The following AHCTF1 variants were observed in gnomAD, a reference collection of about 807,000 sequenced individuals.
AHCTF1 encodes protein ELYS.
A neutral mutation model predicts 248.4 loss-of-function variants in AHCTF1; 24 were observed. That is an observed-to-expected ratio of 0.10 (90% CI 0.07 to 0.14). AHCTF1 has a LOEUF of 0.14. Among genes scored for constraint, AHCTF1 ranks in the 10% least tolerant of loss-of-function variants. The probability of loss-of-function intolerance (pLI) is 1.00; values close to 1 mark genes in which losing one functional copy is unlikely to be tolerated. For missense variants in AHCTF1, 2,206 were observed against 2,636.2 expected, an observed-to-expected ratio of 0.84 and a Z score of 3.57; for synonymous variants, 786 against 929.8, an observed-to-expected ratio of 0.85 and a Z score of 2.81.
At chr1:246,884,222 T>C (rs1030625091) in intron 21 of AHCTF1, among the ~76,000 whole-genome samples, 1 of 152,252 alleles carries the variant, frequency 6.6e-6, no homozygotes, top group Non-Finnish European at 1.5e-5. Flanking sequence ...GTATTGATTC[T>C]AGATTAAGCT....
At chr1:246,924,164 T>C (rs1350731397) in intron 1 of AHCTF1, among the ~76,000 whole-genome samples, 1 of 152,110 alleles carries the variant, frequency 6.6e-6, no homozygotes, top group Non-Finnish European at 1.5e-5. Context: ...TGTGGTAAAA[T>C]AACAGGATAA....
chr1:246,903,239 C>A (rs968072181), intron 7 of AHCTF1, among the ~76,000 whole-genome samples: 1 of 152,168 alleles, frequency 6.6e-6, no homozygotes, highest in East Asian at 1.9e-4. Context: ...AGCACCCCTC[C>A]GATCTCCTCA....
intron 1 of AHCTF1, among the ~76,000 whole-genome samples, chr1:246,922,672 G>A (rs1056308887): frequency 4.0e-5 from 6 of 150,984 alleles, no homozygotes; most frequent in African/African-American, 1.2e-4. Flanking sequence ...GGGATTACAG[G>A]TGTGAGACAC....
intron 23 of AHCTF1, 70 bp from the exon 24 acceptor site, chr1:246,876,257 A>G: frequency 7.6e-7 from 1 of 1,310,934 alleles, no homozygotes. Flanking sequence ...TATATTTACC[A>G]TTTAAAATAA....
intron 1 of AHCTF1, among the ~76,000 whole-genome samples, chr1:246,920,769 CAA>C (rs770845244): frequency 2.8e-4 from 31 of 110,654 alleles, no homozygotes; most frequent in Admixed American, 3.7e-4. Context: ...AACACTGTCT[CAA>C]AAAAAAAAAA....
chr1:246,918,492 A>C, intron 1 of AHCTF1, 115 bp from the exon 2 acceptor site: 4 of 1,053,188 alleles, frequency 3.8e-6, no homozygotes, highest in Non-Finnish European at 5.2e-6. Flanking sequence ...AAAAACTAAA[A>C]TCTGGTTACA....
intron 12 of AHCTF1, among the ~76,000 whole-genome samples, chr1:246,897,112 G>C (rs956039842): frequency 1.3e-5 from 2 of 152,240 alleles, no homozygotes; most frequent in Admixed American, 6.5e-5. Context: ...TCAGGAGTTT[G>C]AGACCAGCCT....
chr1:246,849,703 A>G lies in AHCTF1; in HGVS notation c.6303T>C (p.Ser2101=). 6.2e-7 allele frequency: 1 copy of G among 1,614,014 alleles called. No individual in the cohort carries two copies. The highest frequency in any genetic ancestry group is 8.5e-7 in the Non-Finnish European group (1 of 1,179,862). ...GGTCCGGCAACAAGATGGCCTTGCT[A>G]GACCGAGTCCTGCTGCTGCGGGATG... ...TKSSRSSRTR[S]SKAILLPDLS... Residue 2101 remains serine (S), a synonymous_variant, in exon 33 of 36, where the codon TCT becomes TCC. Transcript: ENST00000648844.
At chr1:246,867,565 A>G (rs995099441) in intron 25 of AHCTF1, 96 bp downstream of exon 25, 41 of 1,459,248 alleles carry the variant, frequency 2.8e-5, no homozygotes, top group Admixed American at 2.3e-4. Context: ...ATACACTAAT[A>G]AACTTAGGCA....
chr1:246,927,002 G>C (rs528191338), intron 1 of AHCTF1, among the ~76,000 whole-genome samples: 6 of 151,552 alleles, frequency 4.0e-5, no homozygotes, highest in Non-Finnish European at 8.8e-5. Context: ...GTGAAATCCC[G>C]TCTCTACTAA....
At chr1:246,848,690 A>G in intron 33 of AHCTF1, among the ~76,000 whole-genome samples, 1 of 144,196 alleles carries the variant, frequency 6.9e-6, no homozygotes, top group Non-Finnish European at 1.5e-5. Flanking sequence ...ACATGGCGAA[A>G]TGCTGTCTCT....
intron 24 of AHCTF1, among the ~76,000 whole-genome samples, chr1:246,870,300 G>A (rs931170722): frequency 4.6e-5 from 7 of 152,128 alleles, no homozygotes; most frequent in Non-Finnish European, 8.8e-5. Context: ...AGGCACGGTT[G>A]CAGTCTCAGC....
chr1:246,842,129 T>A (rs1007060598), intron 35 of AHCTF1, among the ~76,000 whole-genome samples: 1 of 152,082 alleles, frequency 6.6e-6, no homozygotes, highest in Non-Finnish European at 1.5e-5. Context: ...GCTTTCATGC[T>A]ATTAATATAT....
chr1:246,888,422 G>A lies in AHCTF1; in HGVS notation c.2240C>T (p.Thr747Ile). Residue 747 changes from threonine to isoleucine, a missense_variant, in exon 18 of 36, where the codon ACA becomes ATA. Around this residue, in one of 6 missense-constraint regions of AHCTF1, gnomAD observed 650 missense variants for 870.8 expected, o/e 0.75. Transcript: ENST00000648844. ...EKLWKRDEGGTGKYPPASLHA... is the reference protein window; with the variant it reads ...EKLWKRDEGGIGKYPPASLHA... ...CAGACTAGCAGGAGGATATTTTCCT[G>A]TGCCTCCTTCATCTCGTTTCCACAA... 2 of 1,612,784 alleles carry A rather than the reference G, an allele frequency of 1.2e-6. No individual in the cohort carries two copies. The highest frequency in any genetic ancestry group is 8.5e-7 in the Non-Finnish European group (1 of 1,179,980).
At position 246,850,676 on chromosome 1, in the gene AHCTF1, C is replaced by G. The variant is rs1337383219; in HGVS notation, c.5330G>C (p.Arg1777Thr). 6.2e-7 allele frequency: 1 copy of G among 1,613,830 alleles called. No homozygotes were observed. The highest frequency in any genetic ancestry group is 8.5e-7 in the Non-Finnish European group (1 of 1,179,880). ...AGCTTCAGAAATTTCTTTTGCCTTC[C>G]TAGTTTTCTTCCTGACTGACTGCCC... ...MPGQSVRKKT[R>T]KAKEISEASE... Residue 1777 changes from arginine (R) to threonine (T), a missense_variant, in exon 33 of 36, where the codon AGG (arginine) becomes ACG (threonine). Coordinates refer to ENST00000648844, the MANE Select transcript of AHCTF1 (RefSeq NM_001323342.2).
At chr1:246,882,464 G>A (rs1362489746) in intron 21 of AHCTF1, among the ~76,000 whole-genome samples, 5 of 151,958 alleles carry the variant, frequency 3.3e-5, no homozygotes, top group African/African-American at 7.3e-5. Context: ...ATAAACAACC[G>A]TAATGAAAAT....
At chr1:246,904,448 A>T (rs924985343) in intron 6 of AHCTF1, among the ~76,000 whole-genome samples, 1 of 152,218 alleles carries the variant, frequency 6.6e-6, no homozygotes, top group African/African-American at 2.4e-5. Context: ...ATTATCCCAT[A>T]GTAACCTCAC....
chr1:246,845,930 CCAGTAGTAG>C (rs1176105184), intron 33 of AHCTF1, among the ~76,000 whole-genome samples: 2 of 151,426 alleles, frequency 1.3e-5, no homozygotes, highest in African/African-American at 2.4e-5. Context: ...CTCTTACCAG[CCAGTAGTAG>C]CAGTAGTAGC....
chr1:246,916,468 C>T, intron 2 of AHCTF1, 73 bp from the exon 3 acceptor site: 1 of 1,326,386 alleles, frequency 7.5e-7, no homozygotes, highest in Middle Eastern at 1.9e-4. Flanking sequence ...AGCTCATTTA[C>T]ATACAACTAT....
Sources: gnomAD v4.1 joint callset for allele counts (sites outside exome capture counted in the v4.1 genomes callset) on GRCh38, gnomAD v4.1.1 for gene constraint, gnomAD v4.1.1 regional missense constraint, MANE v1.5 for transcripts, NCBI Gene and HGNC (gene_info 2026-07-23, HGNC 2026-07-21) for gene names.